SERINC5: variants seen among roughly 807,000 people sequenced by gnomAD.
SERINC5 encodes the protein serine incorporator 5.
A neutral mutation model predicts 63.1 loss-of-function variants in SERINC5; 41 were observed. That is an observed-to-expected ratio of 0.65 (90% CI 0.51 to 0.84). The LOEUF is 0.84. SERINC5 is among the 40% of genes least tolerant of loss of function. SERINC5 has a pLI of 0.00. For synonymous variants in SERINC5, 222 were observed against 215.2 expected (o/e 1.03, Z -0.28); for missense variants, 523 against 573.0 (o/e 0.91, Z 0.89).
At chr5:80,122,978 G>A (rs980153565) in intron 11 of SERINC5, among the ~76,000 whole-genome samples, 1 of 152,230 alleles carries the variant, frequency 6.6e-6, no homozygotes, top group Admixed American at 6.5e-5. Flanking sequence ...ATAGAAATCA[G>A]GCAAGCCTGC....
intron 1 of SERINC5, among the ~76,000 whole-genome samples, chr5:80,224,503 A>G (rs1472061287): frequency 6.6e-6 from 1 of 152,220 alleles, no homozygotes; most frequent in Non-Finnish European, 1.5e-5. Context: ...GTCATGTTTG[A>G]TGAGCCACCA....
intron 8 of SERINC5, among the ~76,000 whole-genome samples, chr5:80,153,664 G>A (rs1318618337): frequency 6.6e-6 from 1 of 152,048 alleles, no homozygotes; most frequent in African/African-American, 2.4e-5. Flanking sequence ...GGGATAGGAG[G>A]AGACTTACAG....
At chr5:80,149,638 C>T (rs1002898219) in intron 9 of SERINC5, among the ~76,000 whole-genome samples, 10 of 152,198 alleles carry the variant, frequency 6.6e-5, no homozygotes, top group African/African-American at 9.6e-5. Context: ...CCAGAGTACA[C>T]GGTTTATATT....
intron 1 of SERINC5, among the ~76,000 whole-genome samples, chr5:80,242,159 C>A (rs1751968644): frequency 1.3e-5 from 2 of 151,750 alleles, no homozygotes; most frequent in Non-Finnish European, 1.5e-5. Context: ...AAAAGTGAAA[C>A]AAAACAAAAA....
chr5:80,206,422 T>C (rs1580168270), intron 1 of SERINC5, among the ~76,000 whole-genome samples: 1 of 152,216 alleles, frequency 6.6e-6, no homozygotes, highest in Non-Finnish European at 1.5e-5. Flanking sequence ...GAGCCCTGTG[T>C]CATTCTCTAC....
intron 9 of SERINC5, among the ~76,000 whole-genome samples, chr5:80,148,460 G>T (rs1745969119): frequency 6.6e-6 from 1 of 151,862 alleles, no homozygotes; most frequent in African/African-American, 2.4e-5. Flanking sequence ...AAAGTGCTGG[G>T]ATTACAGCCG....
At chr5:80,149,311 A>C (rs1040100786) in intron 9 of SERINC5, among the ~76,000 whole-genome samples, 3 of 152,300 alleles carry the variant, frequency 2.0e-5, no homozygotes, top group Admixed American at 2.0e-4. Flanking sequence ...TCTTCTCTAT[A>C]ATAGGCAGTA....
intron 11 of SERINC5, among the ~76,000 whole-genome samples, chr5:80,116,833 CTT>C (rs780853184): frequency 3.6e-4 from 52 of 143,208 alleles, no homozygotes; most frequent in African/African-American, 9.2e-4. Flanking sequence ...CTGGAGAGCT[CTT>C]TTTTTTTTTT....
At chr5:80,204,052 C>A (rs1215060825) in intron 1 of SERINC5, among the ~76,000 whole-genome samples, 1 of 152,214 alleles carries the variant, frequency 6.6e-6, no homozygotes, top group Admixed American at 6.5e-5. Context: ...GTGGTGCACC[C>A]AAACTCCAAG....
At chr5:80,234,432 C>G (rs1751596164) in intron 1 of SERINC5, among the ~76,000 whole-genome samples, 2 of 152,094 alleles carry the variant, frequency 1.3e-5, no homozygotes, top group African/African-American at 4.8e-5. Context: ...GTTGTGCAAC[C>G]AAATTGATGT....
chr5:80,208,705 C>T (rs913711166), intron 1 of SERINC5, among the ~76,000 whole-genome samples: 1 of 152,182 alleles, frequency 6.6e-6, no homozygotes, highest in Non-Finnish European at 1.5e-5. Context: ...GAGGGCAATG[C>T]TTGCAATCCT....
intron 1 of SERINC5, among the ~76,000 whole-genome samples, chr5:80,240,202 G>A (rs1309791298): frequency 6.6e-6 from 1 of 152,104 alleles, no homozygotes; most frequent in Non-Finnish European, 1.5e-5. Context: ...ACACAGCTCA[G>A]CTCAACAAGT....
intron 5 of SERINC5, among the ~76,000 whole-genome samples, chr5:80,172,974 C>G (rs2112396693): frequency 6.6e-6 from 1 of 152,162 alleles, no homozygotes; most frequent in Admixed American, 6.6e-5. Context: ...AATTGGAGAC[C>G]CACTTGAAGG....
chr5:80,133,837 C>A (rs984071452), downstream of SERINC5, among the ~76,000 whole-genome samples: 1 of 152,088 alleles, frequency 6.6e-6, no homozygotes, highest in Non-Finnish European at 1.5e-5. Flanking sequence ...ATTTGGTGGG[C>A]AGGGGGTCAG....
chr5:80,130,443 T>C (rs1432573004), intron 11 of SERINC5, among the ~76,000 whole-genome samples: 1 of 152,148 alleles, frequency 6.6e-6, no homozygotes, highest in Non-Finnish European at 1.5e-5. Context: ...CTTGTGTCTG[T>C]AGTCCCAGCT....
chr5:80,172,186 C>T lies in SERINC5; in HGVS notation c.552-2640G>A, dbSNP rs145183317. Among the ~76,000 whole-genome samples the T allele has an allele frequency of 4.5e-3, 682 of 151,996 alleles. 5 individuals are homozygous for T. Among genetic ancestry groups the T allele is most frequent in the African/African-American group, 0.016 (649 of 41,468 alleles). ...CTCTACCAAAAATACAAAAATTATC[C>T]GGGCGTGGTGGTGCATGCCTGTAAT... is the stretch of plus-strand genomic sequence containing the variant. On this transcript the variant is annotated intron_variant, in intron 5 of 11. Transcript: ENST00000507668.
chr5:80,190,382 G>C (rs140365752), intron 2 of SERINC5, among the ~76,000 whole-genome samples: 370 of 152,202 alleles, frequency 2.4e-3, no homozygotes, highest in African/African-American at 8.6e-3. Flanking sequence ...AAAGTGCTGG[G>C]ATTACAGACA....
chr5:80,199,464 G>C (rs1296288556), intron 2 of SERINC5, among the ~76,000 whole-genome samples: 3 of 152,160 alleles, frequency 2.0e-5, no homozygotes, highest in Non-Finnish European at 4.4e-5. Flanking sequence ...ACTCATACAA[G>C]TCACTTATTT....
chr5:80,241,110 T>TA (rs1353931647), intron 1 of SERINC5, among the ~76,000 whole-genome samples: 1 of 152,190 alleles, frequency 6.6e-6, no homozygotes, highest in Non-Finnish European at 1.5e-5. Context: ...TCACTAATGA[T>TA]AAAAGTTTTG....
Sources: gnomAD v4.1 joint callset for allele counts (sites outside exome capture counted in the v4.1 genomes callset) on GRCh38, gnomAD v4.1.1 for gene constraint, MANE v1.5 for transcripts, NCBI Gene and HGNC (gene_info 2026-07-23, HGNC 2026-07-21) for gene names.